The following MIGA2 variants were observed in gnomAD, a reference collection of about 807,000 sequenced individuals.
MIGA2 encodes mitoguardin 2, also known as family with sequence similarity 73, member B.
In MIGA2, 36 loss-of-function variants were observed where a neutral mutation model predicts 69.9. That is an observed-to-expected ratio of 0.52 (90% CI 0.39 to 0.68). MIGA2 has a LOEUF of 0.68. Among genes scored for constraint, MIGA2 ranks in the 30% least tolerant of loss-of-function variants. The pLI, the probability that MIGA2 is intolerant of heterozygous loss-of-function variation, is 0.00. For synonymous variants in MIGA2, 333 were observed against 349.2 expected (o/e 0.95, Z 0.52); for missense variants, 660 against 787.7 (o/e 0.84, Z 1.94).
Position 129,051,076 on chromosome 9 carries a change from A to G in MIGA2, c.675+1113A>G, listed in dbSNP as rs1322176685. Reference sequence around the variant, plus strand: ...TTTAGTAGAGATGGGGTTTCATCGTATTGGTCAGGCTGGTCTCGAACTCCT... The same window carrying G: ...TTTAGTAGAGATGGGGTTTCATCGTGTTGGTCAGGCTGGTCTCGAACTCCT... On this transcript the variant is annotated intron_variant, in intron 6 of 15. Coordinates refer to ENST00000684074, the MANE Select transcript of MIGA2 (RefSeq NM_001329990.2). Among the ~76,000 whole-genome samples, 5 of 150,608 alleles carry G rather than the reference A, an allele frequency of 3.3e-5. 1 individual carries two copies. Among genetic ancestry groups the G allele is most frequent in the Non-Finnish European group, 7.4e-5 (5 of 67,714 alleles).
intron 11 of MIGA2, 24 bp downstream of exon 11, chr9:129,063,655 G>GGGCC: frequency 3.1e-5 from 20 of 645,710 alleles, no homozygotes; most frequent in Non-Finnish European, 4.6e-5. Context: ...GGGTGGGGGG[G>GGGCC]CAAATTATAA....
chr9:129,061,988 T>TTTATGTA lies in MIGA2; in HGVS notation c.1010+654_1010+660dup, dbSNP rs943685946. On this transcript the variant is annotated intron_variant, in intron 9 of 15. Transcript: ENST00000684074. The surrounding 1 kb of genome is among the most constrained non-coding windows in gnomAD (Gnocchi z 5.0). ...TTATTATTAACTTTTTTGTATTATT[T>TTTATGTA]TTATGTATTATGTATTATTATCTTA... 1.6e-3 allele frequency among the ~76,000 whole-genome samples: 245 copies of TTTATGTA among 152,172 alleles called. No homozygotes were observed. Among genetic ancestry groups the TTTATGTA allele is most frequent in the African/African-American group, 5.2e-3 (214 of 41,540 alleles).
At chr9:129,040,212 C>T (rs1004263417) in intron 1 of MIGA2, among the ~76,000 whole-genome samples, 8 of 152,210 alleles carry the variant, frequency 5.3e-5, no homozygotes, top group Admixed American at 6.5e-5. Context: ...TCTGGGTCCT[C>T]TCCTGGGCTG....
chr9:129,067,999 C>G (rs535226943), intron 12 of MIGA2, 128 bp downstream of exon 12: 1 of 1,275,336 alleles, frequency 7.8e-7, no homozygotes, highest in South Asian at 1.3e-5. Context: ...TCATAGTCCC[C>G]GGTTCCTGCC....
intron 6 of MIGA2, among the ~76,000 whole-genome samples, chr9:129,050,268 GT>G (rs1845451795): frequency 8.2e-6 from 1 of 122,594 alleles, no homozygotes; most frequent in Admixed American, 1.0e-4. Context: ...CCTGGCCTTT[GT>G]TTTGTTTTGT....
rs754871379 is a variant in MIGA2 at position 129,068,450 on chromosome 9, C to G, written c.1404+118C>G. On this transcript the variant is annotated intron_variant, in intron 13 of 15. Coordinates refer to ENST00000684074, the MANE Select transcript of MIGA2 (RefSeq NM_001329990.2). This position sits in a 1 kb window ranked among gnomAD's most constrained non-coding sequence, Gnocchi z 4.1. ...AGGGCTGGGCCCCCACCCCCTAGATCCGCGGCTGCCAGGCCTGGGAGACCA... is the reference window on the plus strand; with the variant it reads ...AGGGCTGGGCCCCCACCCCCTAGATGCGCGGCTGCCAGGCCTGGGAGACCA... The G allele has an allele frequency of 1.4e-6, 2 of 1,420,856 alleles. No individual in the cohort carries two copies. Among genetic ancestry groups the G allele is most frequent in the Admixed American group, 4.2e-5 (2 of 47,096 alleles). The allele number at this position is 1,420,856 out of a possible 1,614,324, so 88.0% of individuals were successfully genotyped here.
rs1192381456 is a variant in MIGA2 at position 129,068,068 on chromosome 9, G to A, written c.1270-130G>A. The A allele has an allele frequency of 3.6e-6, 5 of 1,396,790 alleles. No homozygotes were observed. Among genetic ancestry groups the A allele is most frequent in the Non-Finnish European group, 4.0e-6 (4 of 990,714 alleles). The allele number at this position is 1,396,790 out of a possible 1,614,324, so 86.5% of individuals were successfully genotyped here. ...TCAGCTACACCCGTTGCACAGCAGA[G>A]CGGGAAAGACGTGTCCCCCCCACGT... On this transcript the variant is annotated intron_variant, in intron 12 of 15. Transcript: ENST00000684074. The surrounding 1 kb of genome is among the most constrained non-coding windows in gnomAD (Gnocchi z 4.1).
Position 129,049,510 on chromosome 9 carries a change from AG to A in MIGA2, c.538+14del, listed in dbSNP as rs767257281. 1 of 1,611,132 alleles carries A rather than the reference AG, an allele frequency of 6.2e-7. No homozygotes were observed. Among genetic ancestry groups the A allele is most frequent in the Non-Finnish European group, 8.5e-7 (1 of 1,178,164 alleles). ...CCTGTACATGCAAGGTGTGGCCAGGAGGTGCCTCAGCTTCGAGGGCAGGGTG... is the reference window on the plus strand; with the variant it reads ...CCTGTACATGCAAGGTGTGGCCAGGAGTGCCTCAGCTTCGAGGGCAGGGTG... On this transcript the variant is annotated intron_variant, in intron 5 of 15. Transcript: ENST00000684074.
rs751920924 is a variant in MIGA2, at chr9:129,049,899, G to A, written c.611G>A (p.Gly204Asp). Reference protein sequence around the residue: ...ALSVGQRGDSGSTPMPRDGLR... With the variant: ...ALSVGQRGDSDSTPMPRDGLR... ...AGCGTGGGCCAGCGGGGGGACAGCG[G>A]CAGCACCCCCATGCCCAGGGACGGC... The change falls in exon 6 of 16, where the codon GGC becomes GAC. Residue 204 changes from glycine to aspartate, a missense_variant. Gly to Asp is a moderately conservative substitution (Grantham distance 94). Coordinates refer to ENST00000684074, the MANE Select transcript of MIGA2 (RefSeq NM_001329990.2). 6.2e-7 allele frequency: 1 copy of A among 1,613,882 alleles called. No homozygotes were observed. Among genetic ancestry groups the A allele is most frequent in the Non-Finnish European group, 8.5e-7 (1 of 1,180,016 alleles).
chr9:129,063,655 G>GGGGCCC, intron 11 of MIGA2, 24 bp downstream of exon 11: 5 of 645,726 alleles, frequency 7.7e-6, no homozygotes, highest in Non-Finnish European at 1.4e-5. Context: ...GGGTGGGGGG[G>GGGGCCC]CAAATTATAA....
chr9:129,043,506 C>T (rs532225637), intron 3 of MIGA2, among the ~76,000 whole-genome samples: 1 of 151,572 alleles, frequency 6.6e-6, no homozygotes, highest in East Asian at 2.0e-4. Context: ...CCTGCTTCAG[C>T]CTCTCGAAAA....
intron 1 of MIGA2, among the ~76,000 whole-genome samples, chr9:129,038,249 G>T (rs975816869): frequency 6.6e-6 from 1 of 152,166 alleles, no homozygotes; most frequent in African/African-American, 2.4e-5. Flanking sequence ...ACCCCCACCA[G>T]CCCTAGAGCG....
intron 3 of MIGA2, among the ~76,000 whole-genome samples, chr9:129,048,071 G>A (rs972744371): frequency 2.6e-5 from 4 of 152,164 alleles, no homozygotes; most frequent in African/African-American, 9.7e-5. Flanking sequence ...CATCTCTTTT[G>A]CAAGGAGAAT....
chr9:129,060,502 C>G lies in MIGA2; in HGVS notation c.794-48C>G. 2.1e-6 allele frequency: 3 copies of G among 1,437,952 alleles called. No homozygotes were observed. Among genetic ancestry groups the G allele is most frequent in the Non-Finnish European group, 2.9e-6 (3 of 1,047,990 alleles). The allele number at this position is 1,437,952 out of a possible 1,614,324, so 89.1% of individuals were successfully genotyped here. A position where few individuals can be genotyped will look rare whatever the true frequency, so the allele number is the denominator to read the frequency against. ...TTCGTGTACCGGGATTCCAGCTGAG[C>G]ACTGTGTGGGGAGTCTCAGCCCCGC... On this transcript the variant is annotated intron_variant, in intron 7 of 15. Transcript: ENST00000684074. This position sits in a 1 kb window ranked among gnomAD's most constrained non-coding sequence, Gnocchi z 4.8.
At chr9:129,065,082 C>G (rs1846273270) in intron 11 of MIGA2, among the ~76,000 whole-genome samples, 1 of 151,402 alleles carries the variant, frequency 6.6e-6, no homozygotes, top group Non-Finnish European at 1.5e-5. Context: ...CACACCTGTC[C>G]TCAATCTTTT....
chr9:129,067,795 G>A lies in MIGA2; in HGVS notation c.1193G>A (p.Ser398Asn). The A allele has an allele frequency of 6.2e-7, 1 of 1,612,852 alleles. No homozygotes were observed. Among genetic ancestry groups the A allele is most frequent in the Non-Finnish European group, 8.5e-7 (1 of 1,179,642 alleles). Residue 398 changes from serine to asparagine, a missense_variant, in exon 12 of 16, where the codon AGC becomes AAC. Around this residue, in one of 3 missense-constraint regions of MIGA2, gnomAD observed 220 missense variants for 301.7 expected, o/e 0.73. Coordinates refer to ENST00000684074, the MANE Select transcript of MIGA2 (RefSeq NM_001329990.2). ...CAGAGCCCCAAAGGCTTCCTGGAGA[G>A]CTACGAGGAGATGCTGAGCTATGCC... is the stretch of plus-strand genomic sequence containing the variant. Reference protein sequence around the residue: ...AEKSPKGFLESYEEMLSYALR... With the variant: ...AEKSPKGFLENYEEMLSYALR...
chr9:129,058,496 CTTTTTTTT>C (rs892590575), intron 6 of MIGA2, among the ~76,000 whole-genome samples: 1 of 117,522 alleles, frequency 8.5e-6, no homozygotes, highest in Non-Finnish European at 1.8e-5. Flanking sequence ...TTCTTTCTTT[CTTTTTTTT>C]TTTTTTTTTT....
At position 129,042,287 on chromosome 9, in the gene MIGA2, TCTC is replaced by T. The variant is rs1310299407; in HGVS notation, c.97-13_97-11del. On this transcript the variant is annotated splice_polypyrimidine_tract_variant and intron_variant, in intron 2 of 15. Coordinates refer to ENST00000684074, the MANE Select transcript of MIGA2 (RefSeq NM_001329990.2). ...CCCCAGGGAGGTGTAACCGGCAGCG[TCTC>T]CTCTTCCCTGCAGTCTGCATTCTCC... The T allele has an allele frequency of 6.2e-7, 1 of 1,609,734 alleles. No homozygotes were observed.
In MIGA2 at chr9:129,044,107, C is replaced by T. The variant is rs147955374; in HGVS notation, c.307+1593C>T. Among the ~76,000 whole-genome samples the T allele has an allele frequency of 3.3e-3, 508 of 151,932 alleles. 1 individual carries two copies. Among genetic ancestry groups the T allele is most frequent in the African/African-American group, 0.012 (491 of 41,432 alleles). The stretch of plus-strand genomic sequence containing the variant: ...CTTCCGGTTTCAAGCAATTCTCCTG[C>T]CTGAGCCTCCCGAGTAGCTGGGATT... On this transcript the variant is annotated intron_variant, in intron 3 of 15. Transcript: ENST00000684074.
Sources: gnomAD v4.1 joint callset for allele counts (sites outside exome capture counted in the v4.1 genomes callset) on GRCh38, gnomAD v4.1.1 for gene constraint, gnomAD v4.1.1 regional missense constraint, Gnocchi (gnomAD v3.1) non-coding constraint, MANE v1.5 for transcripts, NCBI Gene and HGNC (gene_info 2026-07-23, HGNC 2026-07-21) for gene names.